ATAD2: variants seen among roughly 807,000 people sequenced by gnomAD.
The protein encoded by ATAD2 is ATPase family AAA domain containing 2, also known as ATPase family AAA domain-containing protein 2.
Under a neutral mutation model 168.9 loss-of-function variants are expected in ATAD2, and 62 were observed. That is an observed-to-expected ratio of 0.37 (90% CI 0.30 to 0.45). The LOEUF (loss-of-function observed/expected upper bound fraction) is 0.45, where lower values mean the gene tolerates loss of function less well. ATAD2 is among the 20% of genes least tolerant of loss of function. The pLI is 1.00. For missense variants in ATAD2, 1,419 were observed against 1,667.8 expected (o/e 0.85, Z 2.60); for synonymous variants, 613 against 571.6 (o/e 1.07, Z -1.03).
intron 24 of ATAD2, among the ~76,000 whole-genome samples, chr8:123,332,355 C>G (rs944927878): frequency 1.3e-5 from 2 of 152,126 alleles, no homozygotes; most frequent in African/African-American, 4.8e-5. Context: ...CTCACATAAT[C>G]AGCACCCAGA....
In ATAD2 at chr8:123,369,934, T is replaced by C. The variant is rs944694312; in HGVS notation, c.818A>G (p.Asp273Gly). Residue 273 changes from aspartate to glycine, a missense_variant, in exon 7 of 28, where the codon GAT (aspartate) becomes GGT (glycine). Asp to Gly is a moderately conservative substitution (Grantham distance 94). Transcript: ENST00000287394. ...EDDDDDDDDD[D>G]DDDDEDDEDE... ...TTCATCATCTTCATCATCATCATCATCATCATCATCGTCATCATCATCATC... is the reference window on the plus strand; with the variant it reads ...TTCATCATCTTCATCATCATCATCACCATCATCATCGTCATCATCATCATC... 1 of 1,583,170 alleles carries C rather than the reference T, an allele frequency of 6.3e-7. No individual in the cohort carries two copies. The highest frequency in any genetic ancestry group is 8.7e-7 in the Non-Finnish European group (1 of 1,155,978).
chr8:123,377,783 C>T (rs1421549380), intron 2 of ATAD2, among the ~76,000 whole-genome samples: 1 of 152,164 alleles, frequency 6.6e-6, no homozygotes, highest in African/African-American at 2.4e-5. Flanking sequence ...GCTACCACAT[C>T]ATATTGCCTT....
chr8:123,379,544 A>G (rs547773191), intron 2 of ATAD2, among the ~76,000 whole-genome samples: 1 of 148,730 alleles, frequency 6.7e-6, no homozygotes, highest in Non-Finnish European at 1.5e-5. Context: ...TAATAAAAGC[A>G]TGAATGTGTA....
chr8:123,365,752 T>C (rs374433467), intron 8 of ATAD2, among the ~76,000 whole-genome samples: 3 of 152,322 alleles, frequency 2.0e-5, no homozygotes, highest in East Asian at 3.9e-4. Flanking sequence ...ATCTCTCACC[T>C]GATACAAAAA....
chr8:123,387,964 TAAAC>T (rs1013350761), intron 1 of ATAD2, among the ~76,000 whole-genome samples: 3 of 152,166 alleles, frequency 2.0e-5, no homozygotes, highest in African/African-American at 7.2e-5. Flanking sequence ...CCTGAAAACT[TAAAC>T]AACAGTATAT....
intron 27 of ATAD2, 79 bp from the exon 28 acceptor site, chr8:123,321,254 AAAC>A: frequency 8.2e-7 from 1 of 1,213,652 alleles, no homozygotes; most frequent in East Asian, 2.4e-5. Flanking sequence ...CTTTTTCAGT[AAAC>A]AACCTTAAGA....
intron 1 of ATAD2, among the ~76,000 whole-genome samples, chr8:123,414,024 G>A (rs1478718863): frequency 1.3e-5 from 2 of 149,716 alleles, no homozygotes; most frequent in African/African-American, 4.9e-5. Context: ...TGGTGGGGGC[G>A]GAGGTTGCAG....
intron 25 of ATAD2, among the ~76,000 whole-genome samples, chr8:123,327,271 C>G (rs994046480): frequency 1.3e-5 from 2 of 152,024 alleles, no homozygotes; most frequent in Admixed American, 6.6e-5. Flanking sequence ...ACTCAGACTT[C>G]CTGATATCGA....
chr8:123,371,365 T>C, intron 4 of ATAD2, 27 bp from the exon 5 acceptor site: 2 of 1,539,198 alleles, frequency 1.3e-6, no homozygotes, highest in Non-Finnish European at 1.8e-6. Context: ...TAAATGTAAG[T>C]GAAAATTGTA....
chr8:123,366,037 A>C (rs536364043), intron 8 of ATAD2, among the ~76,000 whole-genome samples: 1 of 152,206 alleles, frequency 6.6e-6, no homozygotes, highest in Non-Finnish European at 1.5e-5. Context: ...CAAAAGACTA[A>C]TATCTAGCAT....
At chr8:123,377,400 CCTTT>C (rs1829350893) in intron 2 of ATAD2, among the ~76,000 whole-genome samples, 1 of 152,054 alleles carries the variant, frequency 6.6e-6, no homozygotes, top group East Asian at 1.9e-4. Flanking sequence ...TCCCTTAAGA[CCTTT>C]CTAACATAAA....
Position 123,394,111 on chromosome 8 carries a change from C to A in ATAD2, c.171+2076G>T, listed in dbSNP as rs1242032135. ...TTCCTGAGGAACTGAAAAAAAAAAA[C>A]GGAGTGGCCATTAACTAAAACTGAC... On this transcript the variant is annotated intron_variant, in intron 1 of 27. Transcript: ENST00000287394. Among the ~76,000 whole-genome samples the A allele has an allele frequency of 1.1e-4, 16 of 149,978 alleles. 1 individual carries two copies. Among genetic ancestry groups the A allele is most frequent in the Non-Finnish European group, 3.0e-5 (2 of 67,544 alleles).
intron 2 of ATAD2, among the ~76,000 whole-genome samples, chr8:123,373,541 C>T (rs1314706492): frequency 6.6e-6 from 1 of 152,078 alleles, no homozygotes; most frequent in Non-Finnish European, 1.5e-5. Flanking sequence ...GTAATCTCAG[C>T]ACTTTGGGAG....
chr8:123,410,033 G>A (rs1156447647), intron 1 of ATAD2, among the ~76,000 whole-genome samples: 1 of 151,002 alleles, frequency 6.6e-6, no homozygotes, highest in East Asian at 1.9e-4. Flanking sequence ...TATACTGTGT[G>A]CTGTGGATTC....
chr8:123,379,060 A>T (rs1271612273), intron 2 of ATAD2, among the ~76,000 whole-genome samples: 2 of 152,068 alleles, frequency 1.3e-5, no homozygotes, highest in Admixed American at 6.6e-5. Context: ...GGCCTCCCAA[A>T]GTGGTAGGAT....
chr8:123,414,828 A>C (rs1786010223), intron 1 of ATAD2, among the ~76,000 whole-genome samples: 1 of 152,196 alleles, frequency 6.6e-6, no homozygotes, highest in Non-Finnish European at 1.5e-5. Flanking sequence ...CAGACTCCAC[A>C]AGGATGTTCT....
intron 9 of ATAD2, among the ~76,000 whole-genome samples, chr8:123,360,723 A>G (rs1013760227): frequency 2.0e-5 from 3 of 152,122 alleles, no homozygotes; most frequent in Non-Finnish European, 4.4e-5. Context: ...ATTAAAAGAA[A>G]AAAAAAAGAA....
upstream of ATAD2, chr8:123,401,341 A>G: frequency 7.1e-7 from 1 of 1,402,436 alleles, no homozygotes; most frequent in Non-Finnish European, 1.0e-6. Context: ...TGAGGATGAC[A>G]AATACCGCCT....
rs71310668 is a variant in ATAD2, at chr8:123,354,837, C to CA, written c.1646+1551dup. Among the ~76,000 whole-genome samples the CA allele has an allele frequency of 8.8e-3, 201 of 22,804 alleles. 4 individuals carry two copies. The highest frequency in any genetic ancestry group is 9.3e-3 in the Non-Finnish European group (146 of 15,714). The allele number at this position is 22,804 out of a possible 152,430, so 15.0% of individuals were successfully genotyped here. A position where few individuals can be genotyped will look rare whatever the true frequency, so the allele number is the denominator to read the frequency against. ...TGGGCAACAGAGCAAGACTCTGTCT[C>CA]AAAAAAAAAAAAAAAAAAAAAAAAA... On this transcript the variant is annotated intron_variant, in intron 13 of 27. Coordinates refer to ENST00000287394, the MANE Select transcript of ATAD2 (RefSeq NM_014109.4).
Sources: allele counts gnomAD v4.1 joint callset (sites outside exome capture counted in the v4.1 genomes callset), GRCh38; gene constraint gnomAD v4.1.1; transcripts MANE v1.5; gene names NCBI Gene and HGNC (gene_info 2026-07-23, HGNC 2026-07-21).